The following PTPRN2 variants were observed in gnomAD, a reference collection of about 807,000 sequenced individuals.
PTPRN2 encodes the protein receptor-type tyrosine-protein phosphatase N2.
In PTPRN2, 74 loss-of-function variants were observed where a neutral mutation model predicts 118.8. That is an observed-to-expected ratio of 0.62 (90% confidence interval 0.52 to 0.76). The LOEUF (loss-of-function observed/expected upper bound fraction) is 0.76. PTPRN2 is among the 30% of genes least tolerant of loss of function. PTPRN2 has a pLI of 0.00. For missense variants in PTPRN2, 1,481 were observed against 1,394.4 expected, an observed-to-expected ratio of 1.06 and a Z score of -0.99; for synonymous variants, 641 against 608.0, an observed-to-expected ratio of 1.05 and a Z score of -0.80.
At position 157,990,607 on chromosome 7, in the gene PTPRN2, G is replaced by C. The variant is rs568828459; in HGVS notation, c.1723+90691C>G. Among the ~76,000 whole-genome samples, 3 of 152,294 alleles carry C rather than the reference G, an allele frequency of 2.0e-5. No individual in the cohort carries two copies. Among genetic ancestry groups the C allele is most frequent in the East Asian group, 1.9e-4 (1 of 5,166 alleles). On this transcript the variant is annotated intron_variant, in intron 11 of 22. Coordinates refer to ENST00000389418, the MANE Select transcript of PTPRN2 (RefSeq NM_002847.5). The surrounding 1 kb of genome is among the most constrained non-coding windows in gnomAD (Gnocchi z 4.3). ...ATCGGTGGATGGGGGAGCAGGGCAG[G>C]CTGGGGGTCAGGGCTCAGGGCGGTG...
chr7:157,727,948 C>T (rs1799690211), intron 12 of PTPRN2, among the ~76,000 whole-genome samples: 3 of 152,222 alleles, frequency 2.0e-5, no homozygotes, highest in African/African-American at 7.2e-5. Context: ...CTCAGAGCCT[C>T]CTCCCAGCTG....
intron 11 of PTPRN2, among the ~76,000 whole-genome samples, chr7:158,007,336 G>A (rs562862762): frequency 3.9e-5 from 6 of 152,236 alleles, no homozygotes; most frequent in Admixed American, 1.3e-4. Context: ...AGCAGGGGAC[G>A]AGGGATCAGA....
At chr7:158,050,395 T>C (rs1230564177) in intron 11 of PTPRN2, among the ~76,000 whole-genome samples, 3 of 152,216 alleles carry the variant, frequency 2.0e-5, no homozygotes, top group Non-Finnish European at 4.4e-5. Flanking sequence ...GATTTACCAG[T>C]GACAACAAAG....
chr7:157,991,907 AGCATCGGTCACAGCCCGT>A (rs1804285016), intron 11 of PTPRN2, among the ~76,000 whole-genome samples: 1 of 151,784 alleles, frequency 6.6e-6, no homozygotes, highest in Non-Finnish European at 1.5e-5. Context: ...AAAGGCTCCC[AGCATCGGTCACAGCCCGT>A]GCCCCTCGCA....
chr7:158,132,266 CAT>C (rs1215187349), intron 9 of PTPRN2, among the ~76,000 whole-genome samples: 1 of 151,574 alleles, frequency 6.6e-6, no homozygotes, highest in South Asian at 2.1e-4. Flanking sequence ...CATACACACT[CAT>C]ACACACACAC....
chr7:158,429,470 C>T (rs1815998950), intron 2 of PTPRN2, among the ~76,000 whole-genome samples: 1 of 152,240 alleles, frequency 6.6e-6, no homozygotes, highest in Non-Finnish European at 1.5e-5. Context: ...CTCGTTCCCA[C>T]GGACCGTCAG....
Position 157,989,548 on chromosome 7 carries a change from G to A in PTPRN2, c.1724-90811C>T, listed in dbSNP as rs10257986. On this transcript the variant is annotated intron_variant, in intron 11 of 22. Transcript: ENST00000389418. The stretch of plus-strand genomic sequence containing the variant: ...CCATCTGTGGCTGGGTCGGAGGGAC[G>A]AGGGCTGCTGTAGCCCTTTCCTTTC... Among the ~76,000 whole-genome samples the A allele has an allele frequency of 6.3e-3, 963 of 151,962 alleles. 16 individuals carry two copies. Among genetic ancestry groups the A allele is most frequent in the South Asian group, 0.052 (251 of 4,800 alleles).
At position 157,805,172 on chromosome 7, in the gene PTPRN2, CCTT is replaced by C. The variant is rs548940185; in HGVS notation, c.1788+93498_1788+93500del. Among the ~76,000 whole-genome samples, 40 of 152,310 alleles carry C rather than the reference CCTT, an allele frequency of 2.6e-4. 1 individual carries two copies. In the South Asian group the frequency reaches 8.1e-3, roughly 31 times the overall value. ...AATTCCAGTAAGCATTAAGGAAACT[CCTT>C]CTCTGGGAGTCTCTGTTCCTCTCCC... On this transcript the variant is annotated intron_variant, in intron 12 of 22. Transcript: ENST00000389418.
At chr7:158,353,211 T>C (rs1808144482) in intron 2 of PTPRN2, among the ~76,000 whole-genome samples, 1 of 152,248 alleles carries the variant, frequency 6.6e-6, no homozygotes, top group African/African-American at 2.4e-5. Context: ...GATGTGGTCC[T>C]CACTCTTGGC....
At chr7:157,943,443 GTCTCCACA>G in intron 11 of PTPRN2, among the ~76,000 whole-genome samples, 1 of 151,942 alleles carries the variant, frequency 6.6e-6, no homozygotes. Flanking sequence ...ATCCAACAAT[GTCTCCACA>G]GGAAGCATCT....
rs1334589940 is a variant in PTPRN2, at chr7:157,629,894, T to G, written c.2197-8385A>C. Among the ~76,000 whole-genome samples the G allele has an allele frequency of 1.3e-5, 2 of 152,394 alleles. No homozygotes were observed. Among genetic ancestry groups the G allele is most frequent in the African/African-American group, 4.8e-5 (2 of 41,600 alleles). On this transcript the variant is annotated intron_variant, in intron 14 of 22. Coordinates refer to ENST00000389418, the MANE Select transcript of PTPRN2 (RefSeq NM_002847.5). The surrounding 1 kb of genome is among the most constrained non-coding windows in gnomAD (Gnocchi z 4.4). ...CCTTCTTGTGACGAGACCACAGGTT[T>G]GTGTGTTGAAGTCACAAGTTAGAGT...
At chr7:158,098,489 C>A (rs939230584) in intron 10 of PTPRN2, among the ~76,000 whole-genome samples, 2 of 152,220 alleles carry the variant, frequency 1.3e-5, no homozygotes, top group Non-Finnish European at 2.9e-5. Flanking sequence ...TCCCGGAATG[C>A]GGAGAAGCCG....
chr7:158,314,953 G>A (rs1342259471), intron 3 of PTPRN2, among the ~76,000 whole-genome samples: 33 of 141,214 alleles, frequency 2.3e-4, no homozygotes, highest in East Asian at 1.1e-3. Context: ...ACCCCCTAAA[G>A]GACAGAGGTG....
rs144691858 is a variant in PTPRN2 at position 158,138,361 on chromosome 7, C to A, written c.1065G>T (p.Ala355=). The change falls in exon 7 of 23, where the codon GCG becomes GCT. Residue 355 remains alanine (A), a synonymous_variant. Coordinates refer to ENST00000389418, the MANE Select transcript of PTPRN2 (RefSeq NM_002847.5). ...HGVARGSPGR[A]ALGESGEQAD... ...CCTGTTCTCCAGACTCTCCCAGGGC[C>A]GCTCTCCCAGGGCTGCCTCGAGCTA... The A allele has an allele frequency of 2.2e-4, 349 of 1,613,822 alleles. 1 individual carries two copies. In the African/African-American group the frequency reaches 3.9e-3, roughly 18 times the overall value.
At chr7:157,950,581 A>G (rs1290295634) in intron 11 of PTPRN2, among the ~76,000 whole-genome samples, 1 of 151,846 alleles carries the variant, frequency 6.6e-6, no homozygotes, top group East Asian at 1.9e-4. Context: ...TTGCTCTATG[A>G]CCTCCCATTT....
rs1010490993 is a variant in PTPRN2 at position 157,618,938 on chromosome 7, G to C, written c.2344+2424C>G. The stretch of plus-strand genomic sequence containing the variant: ...CTTTCTGGCTCCAGTGCGAGTCTCG[G>C]GAGGGAGGTGCTTTCCCCCTCACCC... On this transcript the variant is annotated intron_variant, in intron 15 of 22. Coordinates refer to ENST00000389418, the MANE Select transcript of PTPRN2 (RefSeq NM_002847.5). The surrounding 1 kb of genome is among the most constrained non-coding windows in gnomAD (Gnocchi z 4.2). 3.3e-5 allele frequency among the ~76,000 whole-genome samples: 5 copies of C among 152,076 alleles called. No homozygotes were observed. Among genetic ancestry groups the C allele is most frequent in the Admixed American group, 3.3e-4 (5 of 15,268 alleles).
At chr7:158,333,854 C>G (rs1342619821) in intron 2 of PTPRN2, among the ~76,000 whole-genome samples, 2 of 147,630 alleles carry the variant, frequency 1.4e-5, no homozygotes, top group African/African-American at 2.5e-5. Flanking sequence ...GAGCTGACAC[C>G]CGCAGACGTC....
chr7:157,741,181 C>T (rs1165780466), intron 12 of PTPRN2, among the ~76,000 whole-genome samples: 2 of 152,246 alleles, frequency 1.3e-5, no homozygotes, highest in South Asian at 2.1e-4. Context: ...TGGAAAAGAG[C>T]CTGGCTCCAG....
At chr7:158,515,807 G>A (rs1823512850) in intron 1 of PTPRN2, among the ~76,000 whole-genome samples, 1 of 151,922 alleles carries the variant, frequency 6.6e-6, no homozygotes, top group African/African-American at 2.4e-5. Context: ...TTTCACTATC[G>A]ACACCTCCCA....
Sources: gnomAD v4.1 joint callset for allele counts (sites outside exome capture counted in the v4.1 genomes callset) on GRCh38, gnomAD v4.1.1 for gene constraint, Gnocchi (gnomAD v3.1) non-coding constraint, MANE v1.5 for transcripts, NCBI Gene and HGNC (gene_info 2026-07-23, HGNC 2026-07-21) for gene names.